Variants in SENP5 observed in about 807,000 individuals in gnomAD.
The protein encoded by SENP5 is SUMO specific peptidase 5.
A neutral mutation model predicts 74.2 loss-of-function variants in SENP5; 21 were observed. The ratio of observed to expected loss-of-function variants is 0.28; its 90% confidence interval spans 0.20 to 0.41. The LOEUF (loss-of-function observed/expected upper bound fraction) is 0.41, where lower values mean the gene tolerates loss of function less well. Ranked by LOEUF, SENP5 falls within the 10% of genes least tolerant of loss-of-function variation. The probability of loss-of-function intolerance (pLI) is 1.00; values close to 1 mark genes in which losing one functional copy is unlikely to be tolerated. For missense variants in SENP5, 717 were observed against 889.1 expected (o/e 0.81, Z 2.46); for synonymous variants, 311 against 312.7 (o/e 0.99, Z 0.06).
chr3:196,908,949 A>G (rs1187973652), intron 6 of SENP5, among the ~76,000 whole-genome samples: 2 of 152,178 alleles, frequency 1.3e-5, no homozygotes, highest in Non-Finnish European at 2.9e-5. Context: ...ACACAAAAAA[A>G]CCCTTCAAAA....
At chr3:196,888,672 G>A (rs1714080962) in intron 2 of SENP5, among the ~76,000 whole-genome samples, 1 of 152,084 alleles carries the variant, frequency 6.6e-6, no homozygotes, top group Admixed American at 6.6e-5. Context: ...ACATATGTAG[G>A]ATGAGTGTGA....
rs1371117154 is a variant in SENP5 at position 196,933,034 on chromosome 3, T to TTTTTTTTTTTG, written c.*2112_*2113insTTTTTTTTTGT. 1 of 147,814 alleles carries TTTTTTTTTTTG rather than the reference T, an allele frequency of 6.8e-6. No individual in the cohort carries two copies. The allele number at this position is 147,814 out of a possible 1,614,324, so 9.2% of individuals were successfully genotyped here. A position where few individuals can be genotyped will look rare whatever the true frequency, so the allele number is the denominator to read the frequency against. On this transcript the variant is annotated 3_prime_UTR_variant, in exon 10 of 10. Coordinates refer to ENST00000323460, the MANE Select transcript of SENP5 (RefSeq NM_152699.5). ...TTGGGTTTTTTGTTTTTTTTTTTTT[T>TTTTTTTTTTTG]TGAGTCAGAGTCTCACTGTCCCTCA...
At position 196,904,242 on chromosome 3, in the gene SENP5, T is replaced by C. The variant is rs145861156; in HGVS notation, c.1884+632T>C. Reference sequence around the variant, plus strand: ...CTGGGATAGGGTAGCAGGAGGAAGATGGGCTAGTTCTTTTAGATAGGCTTG... The same window carrying C: ...CTGGGATAGGGTAGCAGGAGGAAGACGGGCTAGTTCTTTTAGATAGGCTTG... On this transcript the variant is annotated intron_variant, in intron 6 of 9. Transcript: ENST00000323460. Among the ~76,000 whole-genome samples the C allele has an allele frequency of 1.9e-4, 29 of 152,334 alleles. No homozygotes were observed. The East Asian group carries it at 5.4e-3, about 28-fold the overall frequency.
chr3:196,907,641 G>T (rs898671401), intron 6 of SENP5, among the ~76,000 whole-genome samples: 1 of 152,128 alleles, frequency 6.6e-6, no homozygotes, highest in Non-Finnish European at 1.5e-5. Context: ...CCTTCCTCTA[G>T]ATCAGGGGTG....
In SENP5 at chr3:196,934,649, A is replaced by C. The variant is rs985403008; in HGVS notation, c.*3726A>C. The C allele has an allele frequency of 4.6e-5, 7 of 152,356 alleles. No individual in the cohort carries two copies. The highest frequency in any genetic ancestry group is 1.4e-4 in the African/African-American group (6 of 41,584). The allele number at this position is 152,356 out of a possible 1,614,324, so 9.4% of individuals were successfully genotyped here. A position where few individuals can be genotyped will look rare whatever the true frequency, so the allele number is the denominator to read the frequency against. Reference sequence around the variant, plus strand: ...TTTATTTAGAGATTATGATCATGTAAAATTACAGTACTCAACCCTTCTAGC... The same window carrying C: ...TTTATTTAGAGATTATGATCATGTACAATTACAGTACTCAACCCTTCTAGC... On this transcript the variant is annotated 3_prime_UTR_variant, in exon 10 of 10. Coordinates refer to ENST00000323460, the MANE Select transcript of SENP5 (RefSeq NM_152699.5).
chr3:196,923,177 G>A (rs972070487), intron 6 of SENP5, among the ~76,000 whole-genome samples: 5 of 152,368 alleles, frequency 3.3e-5, no homozygotes, highest in African/African-American at 1.2e-4. Flanking sequence ...CACAGGTTTA[G>A]TAGATTAACT....
At chr3:196,892,756 C>A (rs1006032484) in intron 2 of SENP5, among the ~76,000 whole-genome samples, 4 of 152,212 alleles carry the variant, frequency 2.6e-5, no homozygotes, top group Non-Finnish European at 5.9e-5. Flanking sequence ...CGTTGATTCT[C>A]TACGTCTATG....
At chr3:196,923,202 T>C (rs1026283452) in intron 6 of SENP5, among the ~76,000 whole-genome samples, 1 of 152,272 alleles carries the variant, frequency 6.6e-6, no homozygotes, top group Admixed American at 6.5e-5. Context: ...AACTGTACTT[T>C]GTATATCTTT....
chr3:196,923,219 GTAT>G (rs1323851056), intron 6 of SENP5, among the ~76,000 whole-genome samples, 192 bp from the exon 7 acceptor site: 1 of 152,202 alleles, frequency 6.6e-6, no homozygotes, highest in Non-Finnish European at 1.5e-5. Flanking sequence ...CTTTATTTTT[GTAT>G]TATTGTTGTG....
At chr3:196,929,242 G>A (rs1715935070) in intron 8 of SENP5, 1 of 198,452 alleles carries the variant, frequency 5.0e-6, no homozygotes, top group Non-Finnish European at 1.0e-5. Flanking sequence ...GATCAGAAGT[G>A]AAGACTGCTC....
chr3:196,879,704 G>C (rs1474475242), intron 1 of SENP5, among the ~76,000 whole-genome samples: 1 of 152,134 alleles, frequency 6.6e-6, no homozygotes, highest in Admixed American at 6.5e-5. Flanking sequence ...GTGACTCTCT[G>C]AGAAGGATGC....
In SENP5 at chr3:196,876,367, CA is replaced by C. The variant is rs1171168928; in HGVS notation, c.-32+8302del. Reference sequence around the variant, plus strand: ...TGAAACCCCTTCTCTACTAAAAATACAAAAAAAATTAGCCGGGCCTGGTGGC... The same window carrying C: ...TGAAACCCCTTCTCTACTAAAAATACAAAAAAATTAGCCGGGCCTGGTGGC... On this transcript the variant is annotated intron_variant, in intron 1 of 9. Transcript: ENST00000323460. Among the ~76,000 whole-genome samples the C allele has an allele frequency of 1.3e-4, 20 of 151,412 alleles. No homozygotes were observed. The East Asian group carries it at 3.9e-3, about 29-fold the overall frequency.
intron 6 of SENP5, among the ~76,000 whole-genome samples, chr3:196,903,921 C>T (rs1236998428): frequency 4.6e-5 from 7 of 152,212 alleles, no homozygotes; most frequent in African/African-American, 1.2e-4. Flanking sequence ...CACGGTGCCT[C>T]GCACCTGTTG....
rs541486712 is a variant in SENP5, at chr3:196,892,246, C to T, written c.1513+5552C>T. On this transcript the variant is annotated intron_variant, in intron 2 of 9. Transcript: ENST00000323460. Reference sequence around the variant, plus strand: ...GCAAACTCCGCCTCCCGGGTTCAAGCGATTCTCGTGCCTCAGCCTCTGGAG... The same window carrying T: ...GCAAACTCCGCCTCCCGGGTTCAAGTGATTCTCGTGCCTCAGCCTCTGGAG... Among the ~76,000 whole-genome samples, 3 of 152,220 alleles carry T rather than the reference C, an allele frequency of 2.0e-5. No homozygotes were observed. The South Asian group carries it at 6.2e-4, about 32-fold the overall frequency.
intron 6 of SENP5, among the ~76,000 whole-genome samples, chr3:196,905,384 G>A (rs1714861198): frequency 2.6e-5 from 4 of 152,172 alleles, no homozygotes; most frequent in African/African-American, 9.7e-5. Context: ...CCTGGAGACA[G>A]TGCCACGTCC....
intron 1 of SENP5, among the ~76,000 whole-genome samples, chr3:196,882,428 A>G (rs766041889): frequency 2.0e-5 from 3 of 152,010 alleles, no homozygotes; most frequent in Admixed American, 2.0e-4. Flanking sequence ...TTGACTTTAT[A>G]TAGTTTTTGC....
intron 2 of SENP5, among the ~76,000 whole-genome samples, chr3:196,897,685 A>C (rs187668548): frequency 6.6e-6 from 1 of 152,220 alleles, no homozygotes; most frequent in Non-Finnish European, 1.5e-5. Context: ...TTGGAGTTAC[A>C]AAGGGAGCTG....
At chr3:196,881,696 T>C (rs1713731256) in intron 1 of SENP5, among the ~76,000 whole-genome samples, 1 of 152,120 alleles carries the variant, frequency 6.6e-6, no homozygotes, top group African/African-American at 2.4e-5. Flanking sequence ...TTTTTTCTAA[T>C]TTATCAGCTG....
chr3:196,919,089 AAAAC>A lies in SENP5; in HGVS notation c.1885-4317_1885-4314del, dbSNP rs368957425. On this transcript the variant is annotated intron_variant, in intron 6 of 9. Transcript: ENST00000323460. ...GAGATACCATCACAAAGAAGGCAAG[AAAAC>A]AAACAAAAACGGAAAAGAGCCAGAG... Among the ~76,000 whole-genome samples the A allele has an allele frequency of 2.5e-3, 382 of 152,350 alleles. 3 individuals carry two copies. Among genetic ancestry groups the A allele is most frequent in the African/African-American group, 8.4e-3 (349 of 41,586 alleles).
Sources: gnomAD v4.1 joint callset for allele counts (sites outside exome capture counted in the v4.1 genomes callset) on GRCh38, gnomAD v4.1.1 for gene constraint, MANE v1.5 for transcripts, NCBI Gene and HGNC (gene_info 2026-07-23, HGNC 2026-07-21) for gene names.